The following NPHS1 variants were observed in gnomAD, a reference collection of about 807,000 sequenced individuals.
The protein encoded by NPHS1 is nephrin.
Under a neutral mutation model 139.7 loss-of-function variants are expected in NPHS1, and 107 were observed. The ratio of observed to expected loss-of-function variants is 0.77; its 90% CI spans 0.66 to 0.90. The LOEUF (loss-of-function observed/expected upper bound fraction) is 0.90, where lower values mean the gene tolerates loss of function less well. NPHS1 is among the 40% of genes least tolerant of loss of function. NPHS1 has a pLI of 0.00. For synonymous variants in NPHS1, 707 were observed against 706.6 expected, an observed-to-expected ratio of 1.00 and a Z score of -0.01; for missense variants, 1,580 against 1,654.2, an observed-to-expected ratio of 0.96 and a Z score of 0.78.
Position 35,845,701 on chromosome 19 carries a change from C to G in NPHS1, c.1725G>C (p.Pro575=), listed in dbSNP as rs140859903. ...LTCVSVSSNP[P]VNLSWDKEGE... ...CTTCCTTGTCCCAGGACAAGTTGAC[C>G]GGCGGATTGCTGCTGACGCTGACGC... Residue 575 remains proline (P), a synonymous_variant, in exon 13 of 29, where the codon CCG becomes CCC. Transcript: ENST00000378910. The surrounding 1 kb of genome is among the most constrained non-coding windows in gnomAD (Gnocchi z 5.5). 1.9e-6 allele frequency: 3 copies of G among 1,614,000 alleles called. No individual in the cohort carries two copies. Among genetic ancestry groups the G allele is most frequent in the African/African-American group, 2.7e-5 (2 of 75,060 alleles).
rs774466839 is a variant in NPHS1 at position 35,826,495 on chromosome 19, A to T, written c.*19T>A. ...GTGTAAATTCCTGCAGGTGCAGGAC[A>T]ATGGGGTTGAGAGGGCTCTTACACC... On this transcript the variant is annotated 3_prime_UTR_variant, in exon 29 of 29. Coordinates refer to ENST00000378910, the MANE Select transcript of NPHS1 (RefSeq NM_004646.4). 22 of 1,612,974 alleles carry T rather than the reference A, an allele frequency of 1.4e-5. No homozygotes were observed. Among genetic ancestry groups the T allele is most frequent in the Non-Finnish European group, 1.8e-5 (21 of 1,179,878 alleles).
chr19:35,827,781 ATGGTGCATGCCTG>A (rs1456206847), intron 28 of NPHS1, among the ~76,000 whole-genome samples: 1 of 151,980 alleles, frequency 6.6e-6, no homozygotes, highest in African/African-American at 2.4e-5. Context: ...GCCGGGCATG[ATGGTGCATGCCTG>A]TAATCCCAGC....
At position 35,845,263 on chromosome 19, in the gene NPHS1, G is replaced by A. The variant is rs1157785447; in HGVS notation, c.1930+105C>T. 3 of 953,942 alleles carry A rather than the reference G, an allele frequency of 3.1e-6. No homozygotes were observed. The highest frequency in any genetic ancestry group is 2.3e-5 in the Admixed American group (1 of 43,122). 59.1% of individuals were successfully genotyped at this position (953,942 alleles called of 1,614,324 possible). On this transcript the variant is annotated intron_variant, in intron 14 of 28. Coordinates refer to ENST00000378910, the MANE Select transcript of NPHS1 (RefSeq NM_004646.4). The surrounding 1 kb of genome is among the most constrained non-coding windows in gnomAD (Gnocchi z 5.5). ...GCAGCCTGAGCGACAAAAAATGAAAGAGAGAGAGAGAGAGAAGAGAAAAAG... is the reference window on the plus strand; with the variant it reads ...GCAGCCTGAGCGACAAAAAATGAAAAAGAGAGAGAGAGAGAAGAGAAAAAG...
chr19:35,828,743 T>C (rs1768371546), intron 28 of NPHS1, among the ~76,000 whole-genome samples: 1 of 152,226 alleles, frequency 6.6e-6, no homozygotes, highest in South Asian at 2.1e-4. Flanking sequence ...AGAGTTTGTG[T>C]AGAGTTTGAG....
chr19:35,841,818 C>T lies in NPHS1; in HGVS notation c.2712G>A (p.Leu904=), dbSNP rs2146819058. 1 of 1,614,060 alleles carries T rather than the reference C, an allele frequency of 6.2e-7. No individual in the cohort carries two copies. The highest frequency in any genetic ancestry group is 1.1e-5 in the South Asian group (1 of 91,044). The part of the protein sequence containing the change: ...YHQGGVHSSL[L]TIANVSAAQD... ...GGGCGGCAGACACGTTGGCAATGGTCAGGAGGCTGCTGTGGACACCACCCT... is the reference window on the plus strand; with the variant it reads ...GGGCGGCAGACACGTTGGCAATGGTTAGGAGGCTGCTGTGGACACCACCCT... The change falls in exon 20 of 29, where the codon CTG becomes CTA. Residue 904 remains leucine (L), a synonymous_variant. Transcript: ENST00000378910.
chr19:35,829,116 T>A (rs1475623778), intron 28 of NPHS1, among the ~76,000 whole-genome samples: 1 of 152,238 alleles, frequency 6.6e-6, no homozygotes, highest in Non-Finnish European at 1.5e-5. Flanking sequence ...CCCTGTGAGC[T>A]CTCTGTCCCT....
intron 28 of NPHS1, among the ~76,000 whole-genome samples, chr19:35,828,289 G>A (rs1012814208): frequency 9.9e-5 from 15 of 151,212 alleles, no homozygotes; most frequent in African/African-American, 3.6e-4. Flanking sequence ...TTTTTGAGAC[G>A]GAGTCTTGGT....
In NPHS1 at chr19:35,844,401, C is replaced by G. The variant is rs909573287; in HGVS notation, c.1989G>C (p.Glu663Asp). The change falls in exon 15 of 29, where the codon GAG becomes GAC. Residue 663 changes from glutamate to aspartate, a missense_variant. Transcript: ENST00000378910. ...CGGACACGGACACGGGCAGCAACGC[C>G]TCGCCCTGCTCCACCGCGGTCACCA... The part of the protein sequence containing the change: ...VLVVTAVEQG[E>D]ALLPVSVSAN... 2 of 1,609,446 alleles carry G rather than the reference C, an allele frequency of 1.2e-6. No homozygotes were observed. The highest frequency in any genetic ancestry group is 8.5e-7 in the Non-Finnish European group (1 of 1,178,390).
chr19:35,845,968 TCCCGC>T lies in NPHS1; in HGVS notation c.1627+35_1627+39del. ...TCCCTGCCCCACCTGGCTCTGTCCC[TCCCGC>T]CCCGCCCCCGGGCCTCAGCAGTGCG... On this transcript the variant is annotated intron_variant, in intron 12 of 28. Coordinates refer to ENST00000378910, the MANE Select transcript of NPHS1 (RefSeq NM_004646.4). The surrounding 1 kb of genome is among the most constrained non-coding windows in gnomAD (Gnocchi z 5.5). 2 of 888,762 alleles carry T rather than the reference TCCCGC, an allele frequency of 2.3e-6. No individual in the cohort carries two copies. Among genetic ancestry groups the T allele is most frequent in the Non-Finnish European group, 3.4e-6 (2 of 594,326 alleles). 55.1% of individuals were successfully genotyped at this position (888,762 alleles called of 1,614,324 possible).
intron 17 of NPHS1, among the ~76,000 whole-genome samples, chr19:35,843,087 C>G (rs775020236): frequency 4.6e-5 from 7 of 152,182 alleles, no homozygotes; most frequent in Non-Finnish European, 4.4e-5. Context: ...TATCTTTCCT[C>G]TGATGGTGTA....
At position 35,825,725 on chromosome 19, in the gene NPHS1, T is replaced by C. The variant is rs1204492624; in HGVS notation, c.*789A>G. ...CTTATGGAGCATACTTATGTTTACA[T>C]GTGTCATAGTTTATGCCTCCTGTGT... On this transcript the variant is annotated 3_prime_UTR_variant, in exon 29 of 29. Coordinates refer to ENST00000378910, the MANE Select transcript of NPHS1 (RefSeq NM_004646.4). 2.0e-5 allele frequency among the ~76,000 whole-genome samples: 3 copies of C among 152,230 alleles called. No homozygotes were observed. The highest frequency in any genetic ancestry group is 2.9e-5 in the Non-Finnish European group (2 of 68,044).
intron 22 of NPHS1, 41 bp downstream of exon 22, chr19:35,839,196 C>T: frequency 6.3e-7 from 1 of 1,594,880 alleles, no homozygotes; most frequent in Non-Finnish European, 8.6e-7. Context: ...CCTACACATC[C>T]TCTGAGGAAT....
In NPHS1 at chr19:35,851,846, C is replaced by T. The variant is rs1973274469; in HGVS notation, c.-9G>A. ...GTCGTCCCCAGGGCCATCACAGGTCCCCCTACTGTGACCCCCACAGCGCCC... is the reference window on the plus strand; with the variant it reads ...GTCGTCCCCAGGGCCATCACAGGTCTCCCTACTGTGACCCCCACAGCGCCC... On this transcript the variant is annotated 5_prime_UTR_variant, in exon 1 of 29. Transcript: ENST00000378910. The T allele has an allele frequency of 1.9e-6, 3 of 1,550,404 alleles. No homozygotes were observed. Among genetic ancestry groups the T allele is most frequent in the South Asian group, 1.2e-5 (1 of 84,002 alleles).
At chr19:35,827,880 G>T (rs148359133) in intron 28 of NPHS1, among the ~76,000 whole-genome samples, 1 of 152,118 alleles carries the variant, frequency 6.6e-6, no homozygotes, top group East Asian at 1.9e-4. Flanking sequence ...TTGTGCTACT[G>T]CACTCCAGCC....
intron 20 of NPHS1, among the ~76,000 whole-genome samples, chr19:35,840,692 T>TTTG (rs1210994239): frequency 6.9e-6 from 1 of 145,980 alleles, no homozygotes; most frequent in African/African-American, 2.5e-5. Flanking sequence ...ATACATGATT[T>TTTG]TTTTTTTTTT....
At position 35,845,347 on chromosome 19, in the gene NPHS1, C is replaced by A; in HGVS notation, c.1930+21G>T. On this transcript the variant is annotated intron_variant, in intron 14 of 28. Coordinates refer to ENST00000378910, the MANE Select transcript of NPHS1 (RefSeq NM_004646.4). This position sits in a 1 kb window ranked among gnomAD's most constrained non-coding sequence, Gnocchi z 5.5. Reference sequence around the variant, plus strand: ...AGGGTCAAGAAGGCATCGAGAGGGGCTTTCAGGCCGGGGCACATACACAGT... The same window carrying A: ...AGGGTCAAGAAGGCATCGAGAGGGGATTTCAGGCCGGGGCACATACACAGT... 1 of 1,614,118 alleles carries A rather than the reference C, an allele frequency of 6.2e-7. No homozygotes were observed. Among genetic ancestry groups the A allele is most frequent in the South Asian group, 1.1e-5 (1 of 91,080 alleles).
Position 35,842,489 on chromosome 19 carries a change from C to T in NPHS1, c.2396G>A (p.Gly799Glu), listed in dbSNP as rs781598848. 1 of 1,614,140 alleles carries T rather than the reference C, an allele frequency of 6.2e-7. No individual in the cohort carries two copies. Among genetic ancestry groups the T allele is most frequent in the Non-Finnish European group, 8.5e-7 (1 of 1,180,024 alleles). The change falls in exon 18 of 29, where the codon GGG (glycine) becomes GAG (glutamate). Residue 799 changes from glycine (G) to glutamate (E), a missense_variant. Physicochemically the swap from Gly to Glu is moderately conservative, Grantham distance 98 (BLOSUM62 -2). Transcript: ENST00000378910. ...DMEKISRGPT[G>E]RLRIHHAKLA... ...TTTGGCATGGTGAATCCGCAGGCGC[C>T]CCGTTGGTCCCCTGGATATCTTCTC...
chr19:35,842,173 C>T lies in NPHS1; in HGVS notation c.2614G>A (p.Val872Ile), dbSNP rs769019215. The T allele has an allele frequency of 6.2e-6, 10 of 1,610,454 alleles. No individual in the cohort carries two copies. In the African/African-American group the frequency reaches 1.1e-4, roughly 17 times the overall value. ...HCRARGVPNIVFTWTKNGVPL... is the reference protein window; with the variant it reads ...HCRARGVPNIIFTWTKNGVPL... ...ACCCCGTTTTTTGTCCAAGTGAAAA[C>T]GATGTTGGGGACACCTCGGGCACGG... The change falls in exon 19 of 29, where the codon GTT becomes ATT. Residue 872 changes from valine (V) to isoleucine (I), a missense_variant. Transcript: ENST00000378910.
At chr19:35,827,760 T>C (rs1312650622) in intron 28 of NPHS1, among the ~76,000 whole-genome samples, 1 of 151,944 alleles carries the variant, frequency 6.6e-6, no homozygotes, top group African/African-American at 2.4e-5. Context: ...CTACTAAAAA[T>C]ACAAAAATTA....
Sources: allele counts gnomAD v4.1 joint callset (sites outside exome capture counted in the v4.1 genomes callset), GRCh38; gene constraint gnomAD v4.1.1; non-coding constraint Gnocchi (gnomAD v3.1); transcripts MANE v1.5; gene names NCBI Gene and HGNC (gene_info 2026-07-23, HGNC 2026-07-21).